Variants in SYNPO2L observed in about 807,000 individuals in gnomAD.
SYNPO2L encodes synaptopodin 2-like protein.
A neutral mutation model predicts 47.5 loss-of-function variants in SYNPO2L; 34 were observed. That is an observed-to-expected ratio of 0.72 (90% CI 0.54 to 0.95). SYNPO2L has a LOEUF of 0.95. Ranked by LOEUF, SYNPO2L falls within the 40% of genes least tolerant of loss-of-function variation. The pLI is 0.00. For missense variants in SYNPO2L, 1,246 were observed against 1,282.0 expected (o/e 0.97, Z 0.43); for synonymous variants, 536 against 524.9 (o/e 1.02, Z -0.29).
In SYNPO2L at chr10:73,653,133, A is replaced by C; in HGVS notation, c.772+6T>G. 6.9e-7 allele frequency: 1 copy of C among 1,446,348 alleles called. No individual in the cohort carries two copies. The highest frequency in any genetic ancestry group is 9.1e-7 in the Non-Finnish European group (1 of 1,095,712). The allele number at this position is 1,446,348 out of a possible 1,614,324, so 89.6% of individuals were successfully genotyped here. A position where few individuals can be genotyped will look rare whatever the true frequency, so the allele number is the denominator to read the frequency against. ...CTGGCTGGGGAAAAGGGGTTCAGGC[A>C]CTCACTGGCTTGCTTGGCCTTCTGG... is the stretch of plus-strand genomic sequence containing the variant. On this transcript the variant is annotated splice_donor_region_variant and intron_variant, in intron 3 of 3. Coordinates refer to ENST00000394810, the MANE Select transcript of SYNPO2L (RefSeq NM_001114133.3).
Position 73,644,949 on chromosome 10 carries a change from AG to A in SYNPO2L, c.*1768del. 5 of 1,188,372 alleles carry A rather than the reference AG, an allele frequency of 4.2e-6. No homozygotes were observed. Among genetic ancestry groups the A allele is most frequent in the Non-Finnish European group, 5.4e-6 (5 of 923,606 alleles). The allele number at this position is 1,188,372 out of a possible 1,614,324, so 73.6% of individuals were successfully genotyped here. A position where few individuals can be genotyped will look rare whatever the true frequency, so the allele number is the denominator to read the frequency against. The stretch of plus-strand genomic sequence containing the variant: ...ATTGTGACTCACACCCAACAAGCAA[AG>A]GAAATTATCACTTTCCAGATTACAC... On this transcript the variant is annotated 3_prime_UTR_variant, in exon 4 of 4. Coordinates refer to ENST00000394810, the MANE Select transcript of SYNPO2L (RefSeq NM_001114133.3).
At chr10:73,650,841 C>T in intron 3 of SYNPO2L, 1 of 1,477,364 alleles carries the variant, frequency 6.8e-7, no homozygotes, top group Non-Finnish European at 9.0e-7. Context: ...GACTACCCTT[C>T]CTAAACTATT....
At position 73,647,353 on chromosome 10, in the gene SYNPO2L, T is replaced by C. The variant is rs1205976526; in HGVS notation, c.2299A>G (p.Ser767Gly). 12 of 1,613,930 alleles carry C rather than the reference T, an allele frequency of 7.4e-6. No homozygotes were observed. The South Asian group carries it at 9.9e-5, about 13-fold the overall frequency. The change falls in exon 4 of 4, where the codon AGC (serine) becomes GGC (glycine). Residue 767 changes from serine (S) to glycine (G), a missense_variant. By Grantham distance (56) the Ser-to-Gly change is moderately conservative. Coordinates refer to ENST00000394810, the MANE Select transcript of SYNPO2L (RefSeq NM_001114133.3). ...TCCACCACATACCTGTCCGCACGGC[T>C]CTGCCGCTTAGCAAACAGCTCCCCA... Reference protein sequence around the residue: ...RGGELFAKRQSRADRYVVEGT... With the variant: ...RGGELFAKRQGRADRYVVEGT...
At position 73,646,850 on chromosome 10, in the gene SYNPO2L, A is replaced by C. The variant is rs534545289; in HGVS notation, c.2802T>G (p.Pro934=). 7.7e-5 allele frequency: 119 copies of C among 1,541,574 alleles called. 1 individual carries two copies. In the South Asian group the frequency reaches 1.4e-3, roughly 19 times the overall value. ...CAAGGCCCCTGGGAGCCTCTGGAGG[A>C]GGGGCTGGGCTAGGAACAGGGGCTG... ...LASAPVPSPA[P]PPEAPRGLGA... is the part of the protein sequence containing the mutation. Residue 934 remains proline (P), a synonymous_variant, in exon 4 of 4, where the codon CCT becomes CCG. Transcript: ENST00000394810.
At position 73,648,572 on chromosome 10, in the gene SYNPO2L, C is replaced by T. The variant is rs748285920; in HGVS notation, c.1080G>A (p.Glu360=). 1.9e-6 allele frequency: 3 copies of T among 1,614,094 alleles called. No homozygotes were observed. The highest frequency in any genetic ancestry group is 3.3e-5 in the Admixed American group (2 of 60,008). Residue 360 remains glutamate (E), a synonymous_variant, in exon 4 of 4, where the codon GAG becomes GAA. Coordinates refer to ENST00000394810, the MANE Select transcript of SYNPO2L (RefSeq NM_001114133.3). ...ATGCTCTTGAGCCCGCCCTGGCAAG[C>T]TCCATGTCCAGATAGGGACTGTCCC... ...SDWDSPYLDM[E]LARAGSRASE...
At position 73,648,215 on chromosome 10, in the gene SYNPO2L, C is replaced by T; in HGVS notation, c.1437G>A (p.Arg479=). The part of the protein sequence containing the change: ...RPFTPGLQGQ[R]PTTTSVIFRP... ...GGAAAATAACCGAGGTGGTAGTTGG[C>T]CGCTGCCCTTGTAGGCCCGGGGTAA... The change falls in exon 4 of 4, where the codon CGG becomes CGA. Residue 479 remains arginine, a synonymous_variant. Transcript: ENST00000394810. 1 of 1,579,660 alleles carries T rather than the reference C, an allele frequency of 6.3e-7. No homozygotes were observed.
Position 73,647,373 on chromosome 10 carries a change from T to TCCCC in SYNPO2L, c.2275_2278dup (p.Glu760GlyfsTer6). ...ACGGCTCTGCCGCTTAGCAAACAGC[T>TCCCC]CCCCACCCCTGCCCTGCAGCCTTGG... On this transcript the variant is annotated frameshift_variant, in exon 4 of 4. Coordinates refer to ENST00000394810, the MANE Select transcript of SYNPO2L (RefSeq NM_001114133.3). LOFTEE classifies it high-confidence loss of function. 1 of 1,613,696 alleles carries TCCCC rather than the reference T, an allele frequency of 6.2e-7. No individual in the cohort carries two copies. Among genetic ancestry groups the TCCCC allele is most frequent in the Non-Finnish European group, 8.5e-7 (1 of 1,179,916 alleles).
rs375335895 is a variant in SYNPO2L, at chr10:73,647,781, A to G, written c.1871T>C (p.Leu624Pro). 8 of 1,612,646 alleles carry G rather than the reference A, an allele frequency of 5.0e-6. No homozygotes were observed. The highest frequency in any genetic ancestry group is 6.8e-6 in the Non-Finnish European group (8 of 1,178,996). ...ISVPAARTGI[L>P]QEARRRGTRK... ...GGTCCCCCGGCGCCGGGCCTCCTGC[A>G]GGATACCCGTGCGGGCAGCTGGCAC... Residue 624 changes from leucine to proline, a missense_variant, in exon 4 of 4, where the codon CTG becomes CCG. Coordinates refer to ENST00000394810, the MANE Select transcript of SYNPO2L (RefSeq NM_001114133.3).
chr10:73,654,083 A>G lies in SYNPO2L; in HGVS notation c.257+46T>C, dbSNP rs371572428. 9 of 1,540,532 alleles carry G rather than the reference A, an allele frequency of 5.8e-6. No homozygotes were observed. The South Asian group carries it at 9.6e-5, about 16-fold the overall frequency. ...GTGAGACATAGAGCTGAGACAGGCA[A>G]TGGGAGCCCTGGATTAGGGGAAGAG... is the stretch of plus-strand genomic sequence containing the variant. On this transcript the variant is annotated intron_variant, in intron 2 of 3. Transcript: ENST00000394810.
intron 2 of SYNPO2L, 196 bp downstream of exon 2, chr10:73,653,933 C>G: frequency 1.3e-6 from 1 of 784,490 alleles, no homozygotes; most frequent in Non-Finnish European, 2.0e-6. Flanking sequence ...CAAATACCCA[C>G]TGACATCCCC....
rs967765956 is a variant in SYNPO2L, at chr10:73,647,975, G to A, written c.1677C>T (p.Val559=). The part of the protein sequence containing the change: ...SLYIPAPSRP[V]TPGGAPEPPA... ...GGGGCTCTGGAGCTCCACCTGGGGT[G>A]ACAGGCCGACTAGGGGCTGGGATGT... Residue 559 remains valine, a synonymous_variant, in exon 4 of 4, where the codon GTC becomes GTT. Transcript: ENST00000394810. 1 of 1,543,480 alleles carries A rather than the reference G, an allele frequency of 6.5e-7. No homozygotes were observed. The highest frequency in any genetic ancestry group is 1.3e-5 in the South Asian group (1 of 79,098).
At chr10:73,653,779 A>G in intron 2 of SYNPO2L, 126 bp from the exon 3 acceptor site, 7 of 1,298,338 alleles carry the variant, frequency 5.4e-6, no homozygotes, top group South Asian at 1.6e-5. Context: ...GCTGTCATAC[A>G]GTTGGAATGG....
rs755094886 is a variant in SYNPO2L at position 73,647,070 on chromosome 10, A to G, written c.2582T>C (p.Met861Thr). 13 of 1,613,708 alleles carry G rather than the reference A, an allele frequency of 8.1e-6. No homozygotes were observed. Among genetic ancestry groups the G allele is most frequent in the Middle Eastern group, 1.6e-4 (1 of 6,082 alleles). ...CGGGGGAACCTCATCAAAACAGAAC[A>G]TGGCAGTTTTAAGTTGATAGGGCTG... ...RHQPYQLKTA[M>T]FCFDEVPPTP... The change falls in exon 4 of 4, where the codon ATG (methionine) becomes ACG (threonine). Residue 861 changes from methionine to threonine, a missense_variant. Met to Thr is a moderately conservative substitution (Grantham distance 81, BLOSUM62 -1). Coordinates refer to ENST00000394810, the MANE Select transcript of SYNPO2L (RefSeq NM_001114133.3).
chr10:73,648,372 C>G lies in SYNPO2L; in HGVS notation c.1280G>C (p.Ser427Thr). 2 of 1,606,732 alleles carry G rather than the reference C, an allele frequency of 1.2e-6. No homozygotes were observed. The highest frequency in any genetic ancestry group is 1.7e-6 in the Non-Finnish European group (2 of 1,179,408). Residue 427 changes from serine (S) to threonine (T), a missense_variant, in exon 4 of 4, where the codon AGT becomes ACT. Around this residue, in one of 3 missense-constraint regions of SYNPO2L, gnomAD observed 1,037 missense variants for 1,021.5 expected, o/e 1.02. Transcript: ENST00000394810. ...GAGCACAGCTGCCTCTGGGGGAGCA[C>G]TCTGGGCCCGAGGTGGTGACTGCAG... ...EGLQSPPRAQ[S>T]APPEAAVLPP...
Position 73,647,305 on chromosome 10 carries a change from C to G in SYNPO2L, c.2347G>C (p.Gly783Arg), listed in dbSNP as rs1183811255. 5.6e-6 allele frequency: 9 copies of G among 1,613,936 alleles called. No homozygotes were observed. The Admixed American group carries it at 1.3e-4, about 24-fold the overall frequency. ...GGAGAAGGACTTCTAGGCCGAGGGC[C>G]AAGACCAGGACCAGGTGTACCTTCC... ...VVEGTPGPGL[G>R]PRPRSPSPTP... Residue 783 changes from glycine (G) to arginine (R), a missense_variant, in exon 4 of 4, where the codon GGC (glycine) becomes CGC (arginine). Physicochemically the swap from Gly to Arg is moderately radical, Grantham distance 125 (BLOSUM62 -2). Around this residue, in one of 3 missense-constraint regions of SYNPO2L, gnomAD observed 1,037 missense variants for 1,021.5 expected, o/e 1.02. Transcript: ENST00000394810.
At position 73,646,774 on chromosome 10, in the gene SYNPO2L, C is replaced by T. The variant is rs532637767; in HGVS notation, c.2878G>A (p.Ala960Thr). The change falls in exon 4 of 4, where the codon GCC becomes ACC. Residue 960 changes from alanine (A) to threonine (T), a missense_variant. Ala to Thr is a moderately conservative substitution (Grantham distance 58, BLOSUM62 0). Transcript: ENST00000394810. ...GFQVARPRFS[A>T]TRTGLQAHVW... ...TGAGCTTGCAATCCTGTTCTGGTGG[C>T]TGAAAATCGGGGCCTGGCTACCTGG... The T allele has an allele frequency of 2.5e-5, 38 of 1,520,908 alleles. No individual in the cohort carries two copies. The East Asian group carries it at 5.2e-4, about 21-fold the overall frequency. 94.2% of individuals were successfully genotyped at this position (1,520,908 alleles called of 1,614,324 possible). A position where few individuals can be genotyped will look rare whatever the true frequency, so the allele number is the denominator to read the frequency against.
rs760804531 is a variant in SYNPO2L, at chr10:73,647,191, A to G, written c.2461T>C (p.Phe821Leu). ...IAYNPLLSPF[F>L]PQAARTLPKA... is the part of the protein sequence containing the mutation. ...GGGAGAGTTCGGGCCGCCTGGGGGA[A>G]AAAGGGAGAGAGCAGTGGGTTGTAA... is the stretch of plus-strand genomic sequence containing the variant. The change falls in exon 4 of 4, where the codon TTC (phenylalanine) becomes CTC (leucine). Residue 821 changes from phenylalanine (F) to leucine (L), a missense_variant. Phe to Leu is a conservative substitution (Grantham distance 22). This residue lies in a region of SYNPO2L where 1,037 missense variants were observed against 1,021.5 expected (regional missense o/e 1.02). Transcript: ENST00000394810. The G allele has an allele frequency of 2.5e-6, 4 of 1,613,870 alleles. No homozygotes were observed. Among genetic ancestry groups the G allele is most frequent in the Non-Finnish European group, 3.4e-6 (4 of 1,179,896 alleles).
chr10:73,646,645 T>C lies in SYNPO2L; in HGVS notation c.*73A>G. 3.7e-6 allele frequency: 5 copies of C among 1,355,448 alleles called. No individual in the cohort carries two copies. The highest frequency in any genetic ancestry group is 4.8e-6 in the Non-Finnish European group (5 of 1,046,740). The allele number at this position is 1,355,448 out of a possible 1,614,324, so 84.0% of individuals were successfully genotyped here. A position where few individuals can be genotyped will look rare whatever the true frequency, so the allele number is the denominator to read the frequency against. On this transcript the variant is annotated 3_prime_UTR_variant, in exon 4 of 4. Transcript: ENST00000394810. ...TAGCTTCCAGATGCGTGACAGGGGATGGGATAGGGTAGGAGAAGCAACTTT... is the reference window on the plus strand; with the variant it reads ...TAGCTTCCAGATGCGTGACAGGGGACGGGATAGGGTAGGAGAAGCAACTTT...
chr10:73,649,721 T>C (rs1036281094), intron 3 of SYNPO2L: 19 of 985,416 alleles, frequency 1.9e-5, no homozygotes, highest in Non-Finnish European at 2.3e-5. Flanking sequence ...GCAGAGACCC[T>C]GTTACTAACA....
Sources: gnomAD v4.1 joint callset for allele counts on GRCh38, gnomAD v4.1.1 for gene constraint, gnomAD v4.1.1 regional missense constraint, MANE v1.5 for transcripts, NCBI Gene and HGNC (gene_info 2026-07-23, HGNC 2026-07-21) for gene names.